The following CACNA2D3 variants were observed in gnomAD, a reference collection of about 807,000 sequenced individuals.
CACNA2D3 encodes voltage-dependent calcium channel subunit alpha-2/delta-3.
CACNA2D3 carries 60 observed loss-of-function variants against 160.6 expected under a neutral mutation model. That is an observed-to-expected ratio of 0.37 (90% CI 0.30 to 0.46). CACNA2D3 has a LOEUF of 0.46. CACNA2D3 is among the 20% of genes least tolerant of loss of function. The probability of loss-of-function intolerance (pLI) is 1.00; values close to 1 mark genes in which losing one functional copy is unlikely to be tolerated. For missense variants in CACNA2D3, 1,205 were observed against 1,365.0 expected (o/e 0.88, Z 1.85); for synonymous variants, 558 against 492.9 (o/e 1.13, Z -1.75).
chr3:54,839,491 AAGGGCTCCACTGGCTGCAC>A (rs1205543783), intron 16 of CACNA2D3, among the ~76,000 whole-genome samples: 1 of 152,106 alleles, frequency 6.6e-6, no homozygotes, highest in East Asian at 1.9e-4. Flanking sequence ...TCACTGGACG[AAGGGCTCCACTGGCTGCAC>A]AGGGGCGAAC....
At chr3:54,429,205 A>G (rs1221662706) in intron 4 of CACNA2D3, among the ~76,000 whole-genome samples, 1 of 152,214 alleles carries the variant, frequency 6.6e-6, no homozygotes, top group Non-Finnish European at 1.5e-5. Context: ...CATGGCTAAT[A>G]TGGGATAGGA....
At chr3:54,742,526 G>T (rs1284820342) in intron 11 of CACNA2D3, among the ~76,000 whole-genome samples, 1 of 152,162 alleles carries the variant, frequency 6.6e-6, no homozygotes, top group Non-Finnish European at 1.5e-5. Context: ...CCAATTCTTA[G>T]CCCTGTTTGG....
At chr3:54,993,659 T>G (rs964172288) in intron 31 of CACNA2D3, among the ~76,000 whole-genome samples, 1 of 152,080 alleles carries the variant, frequency 6.6e-6, no homozygotes, top group Non-Finnish European at 1.5e-5. Flanking sequence ...GTTTTTTGCT[T>G]TTACCAACAT....
intron 2 of CACNA2D3, among the ~76,000 whole-genome samples, chr3:54,265,661 A>ATATATATAGTGTGTATATATATAGTGTG (rs1559901419): frequency 1.4e-5 from 1 of 69,110 alleles, no homozygotes; most frequent in Admixed American, 1.4e-4. Context: ...TATATAGTGT[A>ATATATATAGTGTGTATATATATAGTGTG]TATATATAGT....
Position 54,440,414 on chromosome 3 carries a change from C to T in CACNA2D3, c.381+53640C>T, listed in dbSNP as rs533320618. ...CTATTCTGTAAGATGTACTGGTTGT[C>T]CTGAGCTCCCTTTCTGAATTGCAGA... On this transcript the variant is annotated intron_variant, in intron 4 of 37. Transcript: ENST00000474759. Among the ~76,000 whole-genome samples the T allele has an allele frequency of 7.2e-5, 11 of 152,228 alleles. 1 individual carries two copies. In the South Asian group the frequency reaches 1.5e-3, roughly 20 times the overall value.
At chr3:54,892,916 A>G (rs560941198) in intron 25 of CACNA2D3, among the ~76,000 whole-genome samples, 7 of 152,230 alleles carry the variant, frequency 4.6e-5, no homozygotes, top group African/African-American at 1.4e-4. Flanking sequence ...TCACTTGGGT[A>G]TCTTCATTCT....
At chr3:54,568,273 T>C (rs72868804) in intron 6 of CACNA2D3, among the ~76,000 whole-genome samples, 4,593 of 152,202 alleles carry the variant, frequency 0.03, 218 homozygotes, top group African/African-American at 0.11. Flanking sequence ...TCACTCAAAT[T>C]TGAGCGTTTG....
intron 9 of CACNA2D3, chr3:54,626,649 G>T: frequency 3.7e-6 from 3 of 811,142 alleles, no homozygotes; most frequent in South Asian, 1.4e-5. Flanking sequence ...CTCTCAAGCA[G>T]TGGCTCAGCT....
chr3:54,478,660 G>GTGTATA lies in CACNA2D3; in HGVS notation c.382-24831_382-24830insGTATAT. Among the ~76,000 whole-genome samples the GTGTATA allele has an allele frequency of 5.5e-4, 20 of 36,376 alleles. 3 individuals carry two copies. Among genetic ancestry groups the GTGTATA allele is most frequent in the Middle Eastern group, 0.02 (1 of 50 alleles). 23.9% of individuals were successfully genotyped at this position (36,376 alleles called of 152,430 possible). A position where few individuals can be genotyped will look rare whatever the true frequency, so the allele number is the denominator to read the frequency against. ...AAAATATATATATAAATATGTGTGT[G>GTGTATA]TATATATATATATATATATTGCTTG... is the stretch of plus-strand genomic sequence containing the variant. On this transcript the variant is annotated intron_variant, in intron 4 of 37. Coordinates refer to ENST00000474759, the MANE Select transcript of CACNA2D3 (RefSeq NM_018398.3).
intron 2 of CACNA2D3, among the ~76,000 whole-genome samples, chr3:54,226,195 G>T (rs1701668410): frequency 6.6e-6 from 1 of 152,000 alleles, no homozygotes; most frequent in African/African-American, 2.4e-5. Flanking sequence ...CAGTTAAGCT[G>T]TGCTGCCTCT....
At chr3:54,564,202 G>C (rs763232551) in intron 6 of CACNA2D3, among the ~76,000 whole-genome samples, 22 of 152,152 alleles carry the variant, frequency 1.4e-4, no homozygotes, top group Non-Finnish European at 2.2e-4. Flanking sequence ...CAGATAAGTA[G>C]AAACCGCAGA....
chr3:54,450,342 T>C (rs1334429423), intron 4 of CACNA2D3, among the ~76,000 whole-genome samples: 1 of 152,234 alleles, frequency 6.6e-6, no homozygotes, highest in Non-Finnish European at 1.5e-5. Context: ...ATCCTTCCTA[T>C]GTGCAAAACA....
At position 54,616,987 on chromosome 3, in the gene CACNA2D3, A is replaced by G. The variant is rs558038282; in HGVS notation, c.964-10800A>G. 2.0e-5 allele frequency among the ~76,000 whole-genome samples: 3 copies of G among 152,256 alleles called. No individual in the cohort carries two copies. The South Asian group carries it at 6.2e-4, about 32-fold the overall frequency. On this transcript the variant is annotated intron_variant, in intron 9 of 37. Coordinates refer to ENST00000474759, the MANE Select transcript of CACNA2D3 (RefSeq NM_018398.3). ...GGGCATTCTCTTTCTGCTGGGCCTG[A>G]AAACATCCCTGGACCACCTATTTTC...
At chr3:54,299,359 C>G (rs1256541446) in intron 2 of CACNA2D3, among the ~76,000 whole-genome samples, 1 of 152,176 alleles carries the variant, frequency 6.6e-6, no homozygotes, top group African/African-American at 2.4e-5. Context: ...GCTCCGCTAG[C>G]CTAGCCACTC....
intron 4 of CACNA2D3, among the ~76,000 whole-genome samples, chr3:54,445,260 C>A (rs935069562): frequency 6.6e-6 from 1 of 152,170 alleles, no homozygotes; most frequent in African/African-American, 2.4e-5. Context: ...AGCTGGAAAC[C>A]CAGATTTGGA....
chr3:54,723,331 A>G (rs1349117501), intron 11 of CACNA2D3, among the ~76,000 whole-genome samples: 1 of 151,912 alleles, frequency 6.6e-6, no homozygotes, highest in Non-Finnish European at 1.5e-5. Context: ...TGTTGGCTCC[A>G]TGGGGGTGGG....
chr3:54,887,316 A>G (rs1435144185), intron 23 of CACNA2D3, among the ~76,000 whole-genome samples: 8 of 152,148 alleles, frequency 5.3e-5, no homozygotes, highest in Admixed American at 4.6e-4. Flanking sequence ...AATCCCAGCT[A>G]CTTGGGAGGC....
intron 14 of CACNA2D3, among the ~76,000 whole-genome samples, chr3:54,820,616 C>T (rs1244853152): frequency 2.6e-5 from 4 of 151,948 alleles, no homozygotes; most frequent in Non-Finnish European, 4.4e-5. Flanking sequence ...AAATATGTAG[C>T]AATACAGATG....
intron 14 of CACNA2D3, among the ~76,000 whole-genome samples, chr3:54,820,775 G>A (rs150698815): frequency 0.012 from 1,761 of 152,208 alleles, 39 homozygotes; most frequent in African/African-American, 0.04. Context: ...TACTTCTACA[G>A]AAGTGTCCGA....
Sources: allele counts gnomAD v4.1 joint callset (sites outside exome capture counted in the v4.1 genomes callset), GRCh38; gene constraint gnomAD v4.1.1; transcripts MANE v1.5; gene names NCBI Gene and HGNC (gene_info 2026-07-23, HGNC 2026-07-21).